The following SNX29 variants were observed in gnomAD, a reference collection of about 807,000 sequenced individuals.
SNX29 encodes the protein sorting nexin-29.
SNX29 carries 78 observed loss-of-function variants against 102.1 expected under a neutral mutation model. That is an observed-to-expected ratio of 0.76 (90% CI 0.64 to 0.92). The LOEUF is 0.92. SNX29 is among the 40% of genes least tolerant of loss of function. SNX29 has a pLI of 0.00. For missense variants in SNX29, 1,280 were observed against 1,061.7 expected (o/e 1.21, Z -2.86); for synonymous variants, 580 against 414.5 (o/e 1.40, Z -4.85).
chr16:12,138,882 C>A (rs1256313006), intron 13 of SNX29, among the ~76,000 whole-genome samples: 1 of 152,050 alleles, frequency 6.6e-6, no homozygotes, highest in African/African-American at 2.4e-5. Flanking sequence ...TTGAGTGGGG[C>A]TTTCTGTTTC....
At chr16:12,358,565 A>G (rs2082208853) in intron 16 of SNX29, among the ~76,000 whole-genome samples, 1 of 152,070 alleles carries the variant, frequency 6.6e-6, no homozygotes, top group Non-Finnish European at 1.5e-5. Context: ...GCAGGACTCT[A>G]ATCTTCCCCT....
chr16:12,396,325 G>C (rs529400502), intron 16 of SNX29, among the ~76,000 whole-genome samples: 1 of 152,322 alleles, frequency 6.6e-6, no homozygotes, highest in East Asian at 1.9e-4. Flanking sequence ...TGTGCTCTGT[G>C]GGGTAGATAC....
chr16:12,304,397 T>C (rs575950386), intron 15 of SNX29, among the ~76,000 whole-genome samples: 1 of 152,302 alleles, frequency 6.6e-6, no homozygotes, highest in East Asian at 1.9e-4. Flanking sequence ...CTTAGCCTCC[T>C]GAGTAGTTGG....
At chr16:12,429,020 T>G (rs2085203158) in intron 18 of SNX29, among the ~76,000 whole-genome samples, 1 of 152,246 alleles carries the variant, frequency 6.6e-6, no homozygotes, top group African/African-American at 2.4e-5. Flanking sequence ...TAGATACGAT[T>G]GCAATTAATA....
At chr16:12,109,816 C>T (rs897200802) in intron 11 of SNX29, among the ~76,000 whole-genome samples, 2 of 152,066 alleles carry the variant, frequency 1.3e-5, no homozygotes, top group Admixed American at 6.5e-5. Flanking sequence ...CTGCAACCTC[C>T]GCCTCACAGG....
intron 20 of SNX29, among the ~76,000 whole-genome samples, chr16:12,564,792 AT>A (rs2078923152): frequency 6.6e-6 from 1 of 152,056 alleles, no homozygotes; most frequent in South Asian, 2.1e-4. Flanking sequence ...CAGCTAAGAA[AT>A]GGTGTTGTCA....
intron 14 of SNX29, among the ~76,000 whole-genome samples, chr16:12,206,220 G>A (rs779446583): frequency 6.6e-6 from 1 of 152,112 alleles, no homozygotes; most frequent in African/African-American, 2.4e-5. Context: ...TCTGTCTTAA[G>A]CCAAATACAA....
intron 20 of SNX29, among the ~76,000 whole-genome samples, chr16:12,539,285 C>G (rs1434876718): frequency 6.6e-6 from 1 of 152,080 alleles, no homozygotes; most frequent in African/African-American, 2.4e-5. Flanking sequence ...TGCACCCTCC[C>G]CCACCTCTAA....
At chr16:12,370,725 C>T (rs557311370) in intron 16 of SNX29, among the ~76,000 whole-genome samples, 2 of 152,188 alleles carry the variant, frequency 1.3e-5, no homozygotes, top group East Asian at 1.9e-4. Flanking sequence ...TAGTAAAAGT[C>T]AATGCTGTTT....
chr16:12,484,589 C>T (rs1260537856), intron 19 of SNX29, among the ~76,000 whole-genome samples: 1 of 152,092 alleles, frequency 6.6e-6, no homozygotes, highest in African/African-American at 2.4e-5. Flanking sequence ...CCTGCCCCCA[C>T]CCTCTCCACT....
At chr16:12,058,341 G>C (rs769767395) in intron 8 of SNX29, among the ~76,000 whole-genome samples, 1 of 152,010 alleles carries the variant, frequency 6.6e-6, no homozygotes, top group South Asian at 2.1e-4. Flanking sequence ...TGTGTTAATT[G>C]TCTTGCTGAG....
At chr16:12,513,900 A>G (rs569677684) in intron 19 of SNX29, among the ~76,000 whole-genome samples, 2 of 152,290 alleles carry the variant, frequency 1.3e-5, no homozygotes, top group Non-Finnish European at 2.9e-5. Flanking sequence ...TTTAAGTGGC[A>G]ATAACAGGAA....
chr16:12,373,114 C>T (rs1298700026), intron 16 of SNX29: 1 of 152,104 alleles, frequency 6.6e-6, no homozygotes, highest in African/African-American at 2.4e-5. Context: ...CATGTCCTCA[C>T]CTTTATTTCT....
At chr16:12,563,857 C>CCG (rs1452927115) in intron 20 of SNX29, among the ~76,000 whole-genome samples, 1 of 152,210 alleles carries the variant, frequency 6.6e-6, no homozygotes, top group African/African-American at 2.4e-5. Flanking sequence ...TGCTGAATAG[C>CCG]CATCTCTCCC....
chr16:12,421,084 G>A (rs1005199880), intron 18 of SNX29, among the ~76,000 whole-genome samples: 3 of 152,146 alleles, frequency 2.0e-5, no homozygotes, highest in Non-Finnish European at 2.9e-5. Flanking sequence ...AGGAAACTAC[G>A]GCACAGGAAG....
At chr16:12,553,679 C>A (rs544056208) in intron 20 of SNX29, among the ~76,000 whole-genome samples, 7 of 150,110 alleles carry the variant, frequency 4.7e-5, no homozygotes, top group African/African-American at 1.7e-4. Context: ...CAACCTCCGC[C>A]TCCTGGGTTC....
At chr16:12,523,507 G>T (rs1459043278) in intron 19 of SNX29, among the ~76,000 whole-genome samples, 1 of 152,136 alleles carries the variant, frequency 6.6e-6, no homozygotes, top group Non-Finnish European at 1.5e-5. Flanking sequence ...TACAAGCCAG[G>T]GGCTACTAGC....
chr16:12,260,329 G>C (rs1296417743), intron 14 of SNX29, among the ~76,000 whole-genome samples: 2 of 152,176 alleles, frequency 1.3e-5, no homozygotes, highest in East Asian at 1.9e-4. Flanking sequence ...AACATGAATT[G>C]TGTGAGATTT....
chr16:12,009,667 C>T (rs527451672), intron 3 of SNX29, among the ~76,000 whole-genome samples: 3 of 152,150 alleles, frequency 2.0e-5, no homozygotes, highest in South Asian at 2.1e-4. Flanking sequence ...CTGAAATGCG[C>T]GCTTCTCTTT....
Sources: gnomAD v4.1 joint callset for allele counts (sites outside exome capture counted in the v4.1 genomes callset) on GRCh38, gnomAD v4.1.1 for gene constraint, MANE v1.5 for transcripts, NCBI Gene and HGNC (gene_info 2026-07-23, HGNC 2026-07-21) for gene names.